Variants in TASP1 observed in about 807,000 individuals in gnomAD.
TASP1 encodes the protein taspase 1.
A neutral mutation model predicts 56.6 loss-of-function variants in TASP1; 16 were observed. The observed-to-expected ratio is 0.28, with a 90% CI of 0.19 to 0.43. TASP1 has a LOEUF of 0.43. Among genes scored for constraint, TASP1 ranks in the 20% least tolerant of loss-of-function variants. TASP1 has a pLI of 1.00. For missense variants in TASP1, 393 were observed against 511.6 expected (o/e 0.77, Z 2.24); for synonymous variants, 179 against 184.2 (o/e 0.97, Z 0.23).
intron 12 of TASP1, among the ~76,000 whole-genome samples, chr20:13,432,167 C>T (rs2038437): frequency 0.091 from 13,894 of 152,082 alleles, 1,212 homozygotes; most frequent in African/African-American, 0.23. Context: ...AAACAGTGTG[C>T]TAAAATACAA....
intron 11 of TASP1, among the ~76,000 whole-genome samples, chr20:13,454,590 C>A (rs1163969929): frequency 1.3e-5 from 2 of 152,146 alleles, no homozygotes; most frequent in Non-Finnish European, 2.9e-5. Flanking sequence ...AGGGGGCCCA[C>A]GTACCACAGC....
intron 12 of TASP1, among the ~76,000 whole-genome samples, chr20:13,421,108 CTT>C (rs34805037): frequency 0.014 from 1,706 of 123,396 alleles, 38 homozygotes; most frequent in African/African-American, 0.044. Flanking sequence ...CGTTTTCCTT[CTT>C]TTTTTTTTTT....
intron 9 of TASP1, among the ~76,000 whole-genome samples, chr20:13,528,945 G>A (rs1472470968): frequency 6.6e-6 from 1 of 152,152 alleles, no homozygotes; most frequent in Admixed American, 6.6e-5. Context: ...CTTAGTGTCT[G>A]GGGCAGACCT....
chr20:13,123,275 G>A, the TASP1 span, among the ~76,000 whole-genome samples: 3 of 151,616 alleles, frequency 2.0e-5, no homozygotes, highest in Non-Finnish European at 4.4e-5. Flanking sequence ...AGGTTGCAGT[G>A]AGCCAAGGTC....
At chr20:13,393,245 C>G in intron 13 of TASP1, 1 of 736,684 alleles carries the variant, frequency 1.4e-6, no homozygotes, top group Admixed American at 1.8e-5. Context: ...TGGATGGCCC[C>G]TCCGGGAAAC....
chr20:13,286,790 G>A, the TASP1 span, among the ~76,000 whole-genome samples: 1 of 152,208 alleles, frequency 6.6e-6, no homozygotes, highest in Non-Finnish European at 1.5e-5. Flanking sequence ...CACATTTCAG[G>A]TAGAAACATG....
chr20:13,285,270 G>A, the TASP1 span, among the ~76,000 whole-genome samples: 1 of 151,958 alleles, frequency 6.6e-6, no homozygotes, highest in South Asian at 2.1e-4. Context: ...CAGCCTAGGT[G>A]ACAGAGTGAA....
intron 7 of TASP1, among the ~76,000 whole-genome samples, chr20:13,565,861 T>A (rs1206718909): frequency 6.6e-6 from 1 of 151,984 alleles, no homozygotes. Context: ...CCAAAAAAAA[T>A]GGACAGCAGG....
chr20:13,532,969 A>G (rs1199690922), intron 9 of TASP1, among the ~76,000 whole-genome samples: 1 of 152,214 alleles, frequency 6.6e-6, no homozygotes, highest in Non-Finnish European at 1.5e-5. Flanking sequence ...TTCCCTATAC[A>G]GCCCCTTGCA....
chr20:13,324,649 G>T, the TASP1 span, among the ~76,000 whole-genome samples: 1 of 152,170 alleles, frequency 6.6e-6, no homozygotes, highest in Non-Finnish European at 1.5e-5. Flanking sequence ...GCTAGAAAAT[G>T]AAAAACAAAA....
At chr20:13,156,768 G>A in the TASP1 span, among the ~76,000 whole-genome samples, 1 of 152,138 alleles carries the variant, frequency 6.6e-6, no homozygotes, top group African/African-American at 2.4e-5. Context: ...ATCAGTGGTA[G>A]CCATTTCACT....
intron 7 of TASP1, among the ~76,000 whole-genome samples, chr20:13,559,501 T>C (rs1481383070): frequency 6.6e-6 from 1 of 152,128 alleles, no homozygotes; most frequent in Non-Finnish European, 1.5e-5. Context: ...AAAGTCTCAA[T>C]GGTTGATATT....
At chr20:13,636,312 A>ATTTTTTTTTTTTTTTTTTTT (rs1173047379) in intron 1 of TASP1, among the ~76,000 whole-genome samples, 1 of 132,810 alleles carries the variant, frequency 7.5e-6, no homozygotes, top group Non-Finnish European at 1.6e-5. Flanking sequence ...TGCCGGGCTA[A>ATTTTTTTTTTTTTTTTTTTT]TTTTTTTTTT....
At chr20:13,336,853 A>C in the TASP1 span, among the ~76,000 whole-genome samples, 1 of 152,176 alleles carries the variant, frequency 6.6e-6, no homozygotes, top group South Asian at 2.1e-4. Context: ...GAATGGTTCC[A>C]GTGTGAACCC....
intron 7 of TASP1, among the ~76,000 whole-genome samples, chr20:13,565,394 A>G (rs1285537885): frequency 6.6e-6 from 1 of 152,218 alleles, no homozygotes; most frequent in Non-Finnish European, 1.5e-5. Flanking sequence ...GAAAGACACA[A>G]TCAATGGAGT....
At chr20:13,477,046 TAAGAAA>T (rs1320484574) in intron 11 of TASP1, among the ~76,000 whole-genome samples, 4 of 152,096 alleles carry the variant, frequency 2.6e-5, no homozygotes, top group Non-Finnish European at 5.9e-5. Flanking sequence ...TCTAAATCAT[TAAGAAA>T]TTCATGAAAT....
At chr20:13,339,093 G>A in the TASP1 span, among the ~76,000 whole-genome samples, 4 of 152,150 alleles carry the variant, frequency 2.6e-5, no homozygotes, top group South Asian at 8.3e-4. Flanking sequence ...ACACACAATT[G>A]GTAAATCTGC....
intron 10 of TASP1, among the ~76,000 whole-genome samples, chr20:13,509,098 C>CAATG (rs941194467): frequency 4.1e-4 from 61 of 149,098 alleles, no homozygotes; most frequent in Middle Eastern, 3.4e-3. Flanking sequence ...AAGTGTCTAT[C>CAATG]AATGAATGAA....
At chr20:13,577,345 T>C (rs898938005) in intron 6 of TASP1, among the ~76,000 whole-genome samples, 3 of 152,194 alleles carry the variant, frequency 2.0e-5, no homozygotes, top group African/African-American at 7.2e-5. Context: ...AAAACAGGTA[T>C]GCATCACATT....
Sources: allele counts gnomAD v4.1 joint callset (sites outside exome capture counted in the v4.1 genomes callset), GRCh38; gene constraint gnomAD v4.1.1; transcripts MANE v1.5; gene names NCBI Gene and HGNC (gene_info 2026-07-23, HGNC 2026-07-21).